EDARADD: variants seen among roughly 807,000 people sequenced by gnomAD.
EDARADD encodes the protein EDAR associated via death domain.
EDARADD carries 20 observed loss-of-function variants against 25.6 expected under a neutral mutation model. That is an observed-to-expected ratio of 0.78 (90% CI 0.55 to 1.14). EDARADD has a LOEUF of 1.14. EDARADD is among the 50% of genes most tolerant of loss of function. EDARADD has a pLI of 0.00. For missense variants in EDARADD, 225 were observed against 270.1 expected (o/e 0.83, Z 1.17); for synonymous variants, 86 against 94.4 (o/e 0.91, Z 0.52).
chr1:236,381,802 T>C (rs1667303317), intron 3 of EDARADD, among the ~76,000 whole-genome samples: 1 of 57,832 alleles, frequency 1.7e-5, no homozygotes, highest in Non-Finnish European at 3.3e-5. Flanking sequence ...CTGTGGTTGC[T>C]TTTTTTTTTT....
intron 5 of EDARADD, among the ~76,000 whole-genome samples, chr1:236,481,909 C>T (rs1005961166): frequency 6.6e-6 from 1 of 151,590 alleles, no homozygotes; most frequent in Non-Finnish European, 1.5e-5. Flanking sequence ...GTCAGGAGAT[C>T]GAGACCATCC....
intron 4 of EDARADD, among the ~76,000 whole-genome samples, chr1:236,439,161 T>A (rs1225437812): frequency 6.6e-6 from 1 of 152,252 alleles, no homozygotes; most frequent in Admixed American, 6.5e-5. Context: ...GTTTTCTTGC[T>A]GTCTTTTCAC....
At position 236,484,219 on chromosome 1, in the gene EDARADD, A is replaced by T; in HGVS notation, c.*1570A>T. 1.0e-6 allele frequency: 1 copy of T among 988,850 alleles called. No individual in the cohort carries two copies. The allele number at this position is 988,850 out of a possible 1,614,324, so 61.3% of individuals were successfully genotyped here. A position where few individuals can be genotyped will look rare whatever the true frequency, so the allele number is the denominator to read the frequency against. On this transcript the variant is annotated 3_prime_UTR_variant, in exon 6 of 6. Transcript: ENST00000334232. This position sits in a 1 kb window ranked among gnomAD's most constrained non-coding sequence, Gnocchi z 4.1. ...GTGAACCAGATTCGCTCTGTGACTG[A>T]GTCCCTTCAGGCGTGCAAGCTGGCC...
chr1:236,464,281 G>T (rs1446289453), intron 4 of EDARADD, among the ~76,000 whole-genome samples: 1 of 146,552 alleles, frequency 6.8e-6, no homozygotes, highest in African/African-American at 2.5e-5. Flanking sequence ...ATGGAGTCTC[G>T]CTCTGTCACC....
chr1:236,396,621 A>G (rs1667520301), intron 1 of EDARADD, among the ~76,000 whole-genome samples: 1 of 152,052 alleles, frequency 6.6e-6, no homozygotes, highest in Admixed American at 6.5e-5. Flanking sequence ...TCAGAAGACT[A>G]CACCCAACAA....
At chr1:236,392,784 C>T (rs1667442964), upstream of EDARADD, among the ~76,000 whole-genome samples, 1 of 152,124 alleles carries the variant, frequency 6.6e-6, no homozygotes, top group South Asian at 2.1e-4. Context: ...ATTCTCCTGC[C>T]TCAGCCTCCC....
chr1:236,434,928 A>G (rs1019304524), intron 4 of EDARADD, among the ~76,000 whole-genome samples: 3 of 152,212 alleles, frequency 2.0e-5, no homozygotes, highest in Non-Finnish European at 2.9e-5. Flanking sequence ...TAGAGAATTC[A>G]GGAAGAAGAC....
At chr1:236,472,714 G>C in intron 5 of EDARADD, among the ~76,000 whole-genome samples, 1 of 152,152 alleles carries the variant, frequency 6.6e-6, no homozygotes, top group East Asian at 1.9e-4. Flanking sequence ...ACGTGTGCTA[G>C]GATGGGAGCT....
intron 5 of EDARADD, among the ~76,000 whole-genome samples, chr1:236,479,404 A>G (rs1659602383): frequency 6.6e-6 from 1 of 151,288 alleles, no homozygotes; most frequent in Non-Finnish European, 1.5e-5. Context: ...CTGAGGTGAG[A>G]GTATTGCTTG....
intron 5 of EDARADD, among the ~76,000 whole-genome samples, chr1:236,475,792 A>AC (rs929920562): frequency 7.3e-6 from 1 of 136,360 alleles, no homozygotes; most frequent in African/African-American, 3.7e-5. Flanking sequence ...ACACACACAC[A>AC]AAAAAACTTT....
At position 236,483,468 on chromosome 1, in the gene EDARADD, A is replaced by G. The variant is rs557865025; in HGVS notation, c.*819A>G. 70 of 1,031,224 alleles carry G rather than the reference A, an allele frequency of 6.8e-5. No individual in the cohort carries two copies. The African/African-American group carries it at 1.0e-3, about 15-fold the overall frequency. The allele number at this position is 1,031,224 out of a possible 1,614,324, so 63.9% of individuals were successfully genotyped here. A position where few individuals can be genotyped will look rare whatever the true frequency, so the allele number is the denominator to read the frequency against. ...TATGATAGAGATGGATGGAACAGAAAATAAATCTAAATTTGGTGCAAATGC... is the reference window on the plus strand; with the variant it reads ...TATGATAGAGATGGATGGAACAGAAGATAAATCTAAATTTGGTGCAAATGC... On this transcript the variant is annotated 3_prime_UTR_variant, in exon 6 of 6. Transcript: ENST00000334232.
chr1:236,349,883 AG>A (rs1666895282), intron 2 of EDARADD, among the ~76,000 whole-genome samples: 1 of 152,194 alleles, frequency 6.6e-6, no homozygotes, highest in African/African-American at 2.4e-5. Flanking sequence ...AGATTGAGGC[AG>A]GCAGATCGCC....
intron 4 of EDARADD, among the ~76,000 whole-genome samples, chr1:236,434,054 C>T (rs1001379346): frequency 6.6e-6 from 1 of 152,162 alleles, no homozygotes; most frequent in African/African-American, 2.4e-5. Context: ...GCACGGTATG[C>T]CCATCTGACA....
intron 4 of EDARADD, among the ~76,000 whole-genome samples, chr1:236,457,836 A>G (rs71532025): frequency 6.6e-6 from 1 of 151,002 alleles, no homozygotes; most frequent in East Asian, 1.9e-4. Flanking sequence ...AAAAAAAAAA[A>G]AAAAAAATCA....
chr1:236,471,886 G>A (rs1278552525), intron 5 of EDARADD, among the ~76,000 whole-genome samples: 4 of 152,118 alleles, frequency 2.6e-5, no homozygotes, highest in Non-Finnish European at 4.4e-5. Context: ...CCGTTTCTAC[G>A]CCTAACTAAT....
chr1:236,427,421 T>A lies in EDARADD; in HGVS notation c.190T>A (p.Cys64Ser). The A allele has an allele frequency of 6.2e-7, 1 of 1,612,282 alleles. No individual in the cohort carries two copies. The highest frequency in any genetic ancestry group is 8.5e-7 in the Non-Finnish European group (1 of 1,179,260). The part of the protein sequence containing the change: ...AEECDTITLN[C>S]PRNSDMKNQG... ...AGAATGTGATACAATTACTTTGAAC[T>A]GCCCACGAAATTCAGATATGAAAAA... The change falls in exon 4 of 6, where the codon TGC (cysteine) becomes AGC (serine). Residue 64 changes from cysteine to serine, a missense_variant. By Grantham distance (112) the Cys-to-Ser change is moderately radical. Transcript: ENST00000334232.
chr1:236,443,156 C>G (rs1658446776), intron 4 of EDARADD, among the ~76,000 whole-genome samples: 1 of 152,162 alleles, frequency 6.6e-6, no homozygotes, highest in African/African-American at 2.4e-5. Context: ...AGATGCAGCC[C>G]CTCAACCTGG....
rs551915876 is a variant in EDARADD, at chr1:236,397,682, A to G, written c.61+3177A>G. On this transcript the variant is annotated intron_variant, in intron 1 of 5. Transcript: ENST00000334232. ...AGAGAGAGATGGATTTGGGCTTCCT[A>G]CAAAGAGAAAGGAGGCCTCCTAAGG... is the stretch of plus-strand genomic sequence containing the variant. Among the ~76,000 whole-genome samples the G allele has an allele frequency of 5.9e-5, 9 of 152,308 alleles. No individual in the cohort carries two copies. The South Asian group carries it at 1.9e-3, about 32-fold the overall frequency.
chr1:236,436,165 C>CT (rs1410339092), intron 4 of EDARADD, among the ~76,000 whole-genome samples: 104 of 144,812 alleles, frequency 7.2e-4, no homozygotes, highest in African/African-American at 1.8e-3. Flanking sequence ...TCTTTCTTTC[C>CT]TTTTTTTTTT....
Sources: allele counts gnomAD v4.1 joint callset (sites outside exome capture counted in the v4.1 genomes callset), GRCh38; gene constraint gnomAD v4.1.1; non-coding constraint Gnocchi (gnomAD v3.1); transcripts MANE v1.5; gene names NCBI Gene and HGNC (gene_info 2026-07-23, HGNC 2026-07-21).